NRXN1: variants seen among roughly 807,000 people sequenced by gnomAD.
The protein encoded by NRXN1 is neurexin 1.
A neutral mutation model predicts 150.9 loss-of-function variants in NRXN1; 39 were observed. The observed-to-expected ratio is 0.26, with a 90% CI of 0.20 to 0.34. NRXN1 has a LOEUF of 0.34. Among genes scored for constraint, NRXN1 ranks in the 10% least tolerant of loss-of-function variants. The pLI, the probability that NRXN1 is intolerant of heterozygous loss-of-function variation, is 1.00. For synonymous variants in NRXN1, 924 were observed against 757.0 expected (o/e 1.22, Z -3.62); for missense variants, 1,815 against 1,949.9 (o/e 0.93, Z 1.30).
chr2:50,629,443 C>T (rs1366626035), intron 5 of NRXN1, among the ~76,000 whole-genome samples: 1 of 151,490 alleles, frequency 6.6e-6, no homozygotes, highest in Non-Finnish European at 1.5e-5. Context: ...TGTTGTAAAT[C>T]AAGACAGTGG....
At chr2:50,999,310 C>A (rs996218638) in intron 2 of NRXN1, among the ~76,000 whole-genome samples, 1 of 152,014 alleles carries the variant, frequency 6.6e-6, no homozygotes, top group Non-Finnish European at 1.5e-5. Flanking sequence ...ATGCACTGTA[C>A]AAGGTGGATA....
At chr2:50,419,777 T>C (rs1412642755) in intron 17 of NRXN1, among the ~76,000 whole-genome samples, 1 of 152,028 alleles carries the variant, frequency 6.6e-6, no homozygotes, top group Non-Finnish European at 1.5e-5. Context: ...AAAATATATA[T>C]TTGTATCTCC....
At chr2:50,414,960 T>G (rs1172266169) in intron 17 of NRXN1, among the ~76,000 whole-genome samples, 1 of 152,062 alleles carries the variant, frequency 6.6e-6, no homozygotes, top group East Asian at 1.9e-4. Context: ...CAATTAAAAT[T>G]TTTACTGAAG....
chr2:50,700,539 T>C (rs1410785798), intron 5 of NRXN1, among the ~76,000 whole-genome samples: 1 of 152,196 alleles, frequency 6.6e-6, no homozygotes, highest in Non-Finnish European at 1.5e-5. Context: ...AAACTCAAAG[T>C]TGCTGTGACC....
At chr2:50,122,977 C>G (rs1205443688) in intron 18 of NRXN1, among the ~76,000 whole-genome samples, 3 of 152,114 alleles carry the variant, frequency 2.0e-5, no homozygotes, top group Non-Finnish European at 2.9e-5. Context: ...TTTGTCTTCT[C>G]TCTGTTTGCT....
At chr2:50,379,117 G>GAA (rs149823712) in intron 17 of NRXN1, among the ~76,000 whole-genome samples, 50 of 149,264 alleles carry the variant, frequency 3.3e-4, no homozygotes, top group Non-Finnish European at 1.6e-4. Context: ...GGGATAGAAA[G>GAA]AAAAAAAAAG....
At chr2:49,944,385 T>G (rs1357397820) in intron 21 of NRXN1, among the ~76,000 whole-genome samples, 1 of 152,214 alleles carries the variant, frequency 6.6e-6, no homozygotes, top group Non-Finnish European at 1.5e-5. Flanking sequence ...AAGCTCATTT[T>G]TGTAATGTTC....
At chr2:50,209,228 T>C (rs1261047895) in intron 18 of NRXN1, among the ~76,000 whole-genome samples, 1 of 152,194 alleles carries the variant, frequency 6.6e-6, no homozygotes, top group Non-Finnish European at 1.5e-5. Context: ...GTTTCACTTC[T>C]CTCAGGTTGA....
chr2:50,211,310 C>A (rs1217394609), intron 18 of NRXN1, among the ~76,000 whole-genome samples: 1 of 151,544 alleles, frequency 6.6e-6, no homozygotes, highest in Non-Finnish European at 1.5e-5. Flanking sequence ...ATATTTATAT[C>A]ATTTTGATAT....
chr2:50,699,950 C>T (rs758335109), intron 5 of NRXN1, among the ~76,000 whole-genome samples: 10 of 152,186 alleles, frequency 6.6e-5, no homozygotes, highest in Non-Finnish European at 1.3e-4. Context: ...GCTCCAAGTA[C>T]TGCACTCTGT....
chr2:50,440,499 T>C (rs2085856429), intron 17 of NRXN1, among the ~76,000 whole-genome samples: 1 of 152,012 alleles, frequency 6.6e-6, no homozygotes, highest in Non-Finnish European at 1.5e-5. Flanking sequence ...AAATAAATAC[T>C]AAAATAGATG....
At chr2:50,529,923 G>A (rs192986355) in intron 11 of NRXN1, among the ~76,000 whole-genome samples, 1 of 152,052 alleles carries the variant, frequency 6.6e-6, no homozygotes, top group Non-Finnish European at 1.5e-5. Context: ...ATGATTATAT[G>A]CAATAAGATA....
intron 21 of NRXN1, among the ~76,000 whole-genome samples, chr2:50,043,776 T>C (rs990188055): frequency 3.3e-5 from 5 of 152,208 alleles, no homozygotes; most frequent in African/African-American, 1.2e-4. Flanking sequence ...TAGCATAGCA[T>C]GGCACAACAC....
At chr2:50,413,721 A>G (rs1225600401) in intron 17 of NRXN1, among the ~76,000 whole-genome samples, 1 of 152,180 alleles carries the variant, frequency 6.6e-6, no homozygotes, top group Non-Finnish European at 1.5e-5. Context: ...TCAAAGAGAC[A>G]TCTGCACTCC....
intron 5 of NRXN1, among the ~76,000 whole-genome samples, chr2:50,740,844 G>T (rs1034393583): frequency 3.3e-5 from 5 of 152,214 alleles, no homozygotes; most frequent in African/African-American, 1.2e-4. Context: ...TAAGAACAGT[G>T]ACTTGAAGCA....
At chr2:50,790,889 T>C (rs1049402687) in intron 5 of NRXN1, among the ~76,000 whole-genome samples, 2 of 152,054 alleles carry the variant, frequency 1.3e-5, no homozygotes, top group African/African-American at 4.8e-5. Context: ...AGGTCAAGTG[T>C]GGGATTTTCC....
At chr2:50,082,286 C>A (rs1391218782) in intron 19 of NRXN1, among the ~76,000 whole-genome samples, 1 of 152,198 alleles carries the variant, frequency 6.6e-6, no homozygotes, top group East Asian at 1.9e-4. Context: ...TATTTAAAAT[C>A]ATGATAATGC....
intron 8 of NRXN1, among the ~76,000 whole-genome samples, chr2:50,568,184 A>G (rs776748578): frequency 6.6e-6 from 1 of 152,076 alleles, no homozygotes; most frequent in Non-Finnish European, 1.5e-5. Flanking sequence ...AATTGCAATT[A>G]ACTTTTAATA....
At chr2:50,497,241 G>T in intron 14 of NRXN1, 92 bp downstream of exon 14, 1 of 967,770 alleles carries the variant, frequency 1.0e-6, no homozygotes, top group Non-Finnish European at 1.4e-6. Context: ...CACCTTATGA[G>T]CCAGTATGTT....
Sources: allele counts gnomAD v4.1 joint callset (sites outside exome capture counted in the v4.1 genomes callset), GRCh38; gene constraint gnomAD v4.1.1; transcripts MANE v1.5; gene names NCBI Gene and HGNC (gene_info 2026-07-23, HGNC 2026-07-21).